TMEM52: variants seen among roughly 807,000 people sequenced by gnomAD.
TMEM52 encodes the protein transmembrane protein 52.
TMEM52 carries 14 observed loss-of-function variants against 16.2 expected under a neutral mutation model. That is an observed-to-expected ratio of 0.87 (90% CI 0.57 to 1.35). The LOEUF (loss-of-function observed/expected upper bound fraction) is 1.35, where lower values mean the gene tolerates loss of function less well. Ranked by LOEUF, TMEM52 falls within the 40% of genes most tolerant of loss-of-function variation. The probability of loss-of-function intolerance (pLI) is 0.00; values close to 1 mark genes in which losing one functional copy is unlikely to be tolerated. For synonymous variants in TMEM52, 136 were observed against 124.7 expected (o/e 1.09, Z -0.60); for missense variants, 309 against 278.6 (o/e 1.11, Z -0.78).
chr1:1,917,827 G>A lies in TMEM52; in HGVS notation c.*55C>T. ...TGTGTGGGACGGTGGGGTGGGCTGG[G>A]GCCCTTGGCTCCAAGCATTAGTTCT... On this transcript the variant is annotated 3_prime_UTR_variant, in exon 5 of 5. Transcript: ENST00000310991. The A allele has an allele frequency of 6.4e-7, 1 of 1,568,332 alleles. No homozygotes were observed. Among genetic ancestry groups the A allele is most frequent in the Non-Finnish European group, 8.7e-7 (1 of 1,151,250 alleles).
In TMEM52 at chr1:1,917,896, G is replaced by A. The variant is rs763506611; in HGVS notation, c.616C>T (p.Pro206Ser). Reference protein sequence around the residue: ...GPNTQLPPCSPGAP With the variant: ...GPNTQLPPCSSGAP ...TCCTACCTCCTTCAAGGGGCACCAGGGCTACAAGGTGGTAGTTGAGTATTG... is the reference window on the plus strand; with the variant it reads ...TCCTACCTCCTTCAAGGGGCACCAGAGCTACAAGGTGGTAGTTGAGTATTG... Residue 206 changes from proline to serine, a missense_variant, in exon 5 of 5, where the codon CCT becomes TCT. Coordinates refer to ENST00000310991, the MANE Select transcript of TMEM52 (RefSeq NM_178545.4). 10 of 1,613,194 alleles carry A rather than the reference G, an allele frequency of 6.2e-6. No individual in the cohort carries two copies. The African/African-American group carries it at 1.2e-4, about 19-fold the overall frequency.
At position 1,917,902 on chromosome 1, in the gene TMEM52, A is replaced by G. The variant is rs764642382; in HGVS notation, c.610T>C (p.Cys204Arg). 2 of 1,613,360 alleles carry G rather than the reference A, an allele frequency of 1.2e-6. No individual in the cohort carries two copies. The highest frequency in any genetic ancestry group is 2.7e-5 in the African/African-American group (2 of 74,906). ...CTCCTTCAAGGGGCACCAGGGCTAC[A>G]AGGTGGTAGTTGAGTATTGGGGCCC... Reference protein sequence around the residue: ...ESGPNTQLPPCSPGAP With the variant: ...ESGPNTQLPPRSPGAP Residue 204 changes from cysteine (C) to arginine (R), a missense_variant, in exon 5 of 5, where the codon TGT becomes CGT. Physicochemically the swap from Cys to Arg is radical, Grantham distance 180 (BLOSUM62 -3). Transcript: ENST00000310991.
At chr1:1,918,570 G>T in intron 3 of TMEM52, 139 bp from the exon 4 acceptor site, 1 of 873,802 alleles carries the variant, frequency 1.1e-6, no homozygotes, top group Non-Finnish European at 1.9e-6. Context: ...GGAGACCGCC[G>T]TGGCCAGAGC....
Position 1,919,059 on chromosome 1 carries a change from G to A in TMEM52, c.114C>T (p.Cys38=), listed in dbSNP as rs1651249994. ...CCCCGACTTACTGGTCCGAGGGGTC[G>A]CAGCTGCCGTCCGCGAAGCCCAGCG... ...QVALGFADGS[C]DPSDQCPPQA... Residue 38 remains cysteine, a synonymous_variant, in exon 2 of 5, where the codon TGC becomes TGT. Coordinates refer to ENST00000310991, the MANE Select transcript of TMEM52 (RefSeq NM_178545.4). The A allele has an allele frequency of 2.2e-6, 3 of 1,336,704 alleles. No individual in the cohort carries two copies. Among genetic ancestry groups the A allele is most frequent in the Non-Finnish European group, 2.9e-6 (3 of 1,047,736 alleles). The allele number at this position is 1,336,704 out of a possible 1,614,324, so 82.8% of individuals were successfully genotyped here.
At position 1,918,000 on chromosome 1, in the gene TMEM52, G is replaced by A; in HGVS notation, c.512C>T (p.Pro171Leu). 6.2e-7 allele frequency: 1 copy of A among 1,613,958 alleles called. No individual in the cohort carries two copies. The highest frequency in any genetic ancestry group is 8.5e-7 in the Non-Finnish European group (1 of 1,180,002). Residue 171 changes from proline (P) to leucine (L), a missense_variant, in exon 5 of 5, where the codon CCA becomes CTA. Physicochemically the swap from Pro to Leu is moderately conservative, Grantham distance 98. Coordinates refer to ENST00000310991, the MANE Select transcript of TMEM52 (RefSeq NM_178545.4). ...AGGGCTGGGTTTCTGGGAGAGTGCT[G>A]GTCCTTCCTCTCTGGGCTTGGCCAT... ...VKMAKPREEG[P>L]ALSQKPSPLL...
chr1:1,918,206 T>C lies in TMEM52; in HGVS notation c.350-44A>G, dbSNP rs149717725. On this transcript the variant is annotated intron_variant, in intron 4 of 4. Coordinates refer to ENST00000310991, the MANE Select transcript of TMEM52 (RefSeq NM_178545.4). ...GGTTCGTGGAGGCGGGCTTGGCATT[T>C]ACCCCCGCCATCTCCACCCTCAACT... 302 of 1,608,198 alleles carry C rather than the reference T, an allele frequency of 1.9e-4. No homozygotes were observed. The African/African-American group carries it at 3.6e-3, about 19-fold the overall frequency.
In TMEM52 at chr1:1,917,647, C is replaced by T. The variant is rs2102020510; in HGVS notation, c.*235G>A. The T allele has an allele frequency of 1.7e-6, 1 of 592,234 alleles. No homozygotes were observed. The highest frequency in any genetic ancestry group is 3.0e-6 in the Non-Finnish European group (1 of 333,902). 36.7% of individuals were successfully genotyped at this position (592,234 alleles called of 1,614,324 possible). ...AGAAGATGCAGACGTCACAGGTGGC[C>T]CTGAGCTCCCACCCGAGGCTTAGGC... On this transcript the variant is annotated 3_prime_UTR_variant, in exon 5 of 5. Transcript: ENST00000310991.
rs1481524223 is a variant in TMEM52 at position 1,918,315 on chromosome 1, T to G, written c.287A>C (p.Gln96Pro). 1 of 1,612,910 alleles carries G rather than the reference T, an allele frequency of 6.2e-7. No individual in the cohort carries two copies. The highest frequency in any genetic ancestry group is 1.7e-5 in the Admixed American group (1 of 60,012). The change falls in exon 4 of 5, where the codon CAG (glutamine) becomes CCG (proline). Residue 96 changes from glutamine to proline, a missense_variant. Physicochemically the swap from Gln to Pro is moderately conservative, Grantham distance 76. Coordinates refer to ENST00000310991, the MANE Select transcript of TMEM52 (RefSeq NM_178545.4). Reference protein sequence around the residue: ...QAQPHLPPARQPCDVAVIPMD... With the variant: ...QAQPHLPPARPPCDVAVIPMD... Reference sequence around the variant, plus strand: ...AGGGATGACTGCCACGTCGCAGGGCTGCCGTGCTGGTGGCAGATGTGGCTG... The same window carrying G: ...AGGGATGACTGCCACGTCGCAGGGCGGCCGTGCTGGTGGCAGATGTGGCTG...
At chr1:1,918,490 G>T in intron 3 of TMEM52, 59 bp from the exon 4 acceptor site, 1 of 1,418,032 alleles carries the variant, frequency 7.1e-7, no homozygotes, top group Non-Finnish European at 9.8e-7. Flanking sequence ...CCTGCACCCT[G>T]GGGAATGTCG....
Position 1,917,947 on chromosome 1 carries a change from T to G in TMEM52, c.565A>C (p.Thr189Pro), listed in dbSNP as rs746833826. 6 of 1,613,572 alleles carry G rather than the reference T, an allele frequency of 3.7e-6. No individual in the cohort carries two copies. The Admixed American group carries it at 1.0e-4, about 27-fold the overall frequency. ...PLLGASGLET[T>P]PVPQESGPNT... Reference sequence around the variant, plus strand: ...GGGCCCGACTCCTGGGGCACTGGAGTGGTCTCTAGGCCCGAGGCCCCAAGG... The same window carrying G: ...GGGCCCGACTCCTGGGGCACTGGAGGGGTCTCTAGGCCCGAGGCCCCAAGG... Residue 189 changes from threonine (T) to proline (P), a missense_variant, in exon 5 of 5, where the codon ACT becomes CCT. By Grantham distance (38) the Thr-to-Pro change is conservative. Coordinates refer to ENST00000310991, the MANE Select transcript of TMEM52 (RefSeq NM_178545.4).
At chr1:1,919,126 CG>C in intron 1 of TMEM52, 38 bp from the exon 2 acceptor site, 1 of 1,355,606 alleles carries the variant, frequency 7.4e-7, no homozygotes, top group Non-Finnish European at 9.4e-7. Flanking sequence ...GGGCGTGGTC[CG>C]AGCAGGGACC....
rs1303477973 is a variant in TMEM52 at position 1,918,282 on chromosome 1, C to T, written c.320G>A (p.Ser107Asn). ...CACAGTGCTGTGTACAGGGCTGTCA[C>T]TGTCCATAGGGATGACTGCCACGTC... ...PCDVAVIPMD[S>N]DSPVHSTVTS... The change falls in exon 4 of 5, where the codon AGT becomes AAT. Residue 107 changes from serine (S) to asparagine (N), a missense_variant. Physicochemically the swap from Ser to Asn is conservative, Grantham distance 46. Coordinates refer to ENST00000310991, the MANE Select transcript of TMEM52 (RefSeq NM_178545.4). 7 of 1,612,896 alleles carry T rather than the reference C, an allele frequency of 4.3e-6. No individual in the cohort carries two copies. The highest frequency in any genetic ancestry group is 1.7e-6 in the Non-Finnish European group (2 of 1,179,988).
chr1:1,918,622 G>C, intron 3 of TMEM52, 191 bp from the exon 4 acceptor site: 1 of 730,012 alleles, frequency 1.4e-6, no homozygotes, highest in South Asian at 1.6e-5. Context: ...ATCTCTCCTG[G>C]GCTGGCCAGG....
Position 1,917,596 on chromosome 1 carries a change from T to C in TMEM52, c.*286A>G, listed in dbSNP as rs1651184118. 1 of 558,532 alleles carries C rather than the reference T, an allele frequency of 1.8e-6. No homozygotes were observed. Among genetic ancestry groups the C allele is most frequent in the Non-Finnish European group, 3.2e-6 (1 of 314,270 alleles). The allele number at this position is 558,532 out of a possible 1,614,324, so 34.6% of individuals were successfully genotyped here. On this transcript the variant is annotated 3_prime_UTR_variant, in exon 5 of 5. Transcript: ENST00000310991. ...CCTTCCCACATAGGCAGAGACCACT[T>C]AAATACAAACTTTATTCTCTCTCCA... is the stretch of plus-strand genomic sequence containing the variant.
Position 1,919,064 on chromosome 1 carries a change from T to C in TMEM52, c.109A>G (p.Ser37Gly). ...PQVALGFADG[S>G]CDPSDQCPPQ... ...ACTTACTGGTCCGAGGGGTCGCAGC[T>C]GCCGTCCGCGAAGCCCAGCGCCACC... The change falls in exon 2 of 5, where the codon AGC becomes GGC. Residue 37 changes from serine to glycine, a missense_variant. Ser to Gly is a moderately conservative substitution (Grantham distance 56). Coordinates refer to ENST00000310991, the MANE Select transcript of TMEM52 (RefSeq NM_178545.4). The C allele has an allele frequency of 7.5e-7, 1 of 1,338,616 alleles. No homozygotes were observed. The highest frequency in any genetic ancestry group is 1.9e-5 in the South Asian group (1 of 51,286). 82.9% of individuals were successfully genotyped at this position (1,338,616 alleles called of 1,614,324 possible). A position where few individuals can be genotyped will look rare whatever the true frequency, so the allele number is the denominator to read the frequency against.
At chr1:1,919,119 C>T in intron 1 of TMEM52, 31 bp from the exon 2 acceptor site, 1 of 1,355,114 alleles carries the variant, frequency 7.4e-7, no homozygotes, top group African/African-American at 1.5e-5. Context: ...CCGGGAGGGG[C>T]GTGGTCCGAG....
In TMEM52 at chr1:1,919,206, G is replaced by GAGCGGCAGC. The variant is rs1400246980; in HGVS notation, c.59_60insGCTGCCGCT (p.Leu24_Leu26dup). The GAGCGGCAGC allele has an allele frequency of 7.3e-7, 1 of 1,363,968 alleles. No homozygotes were observed. The allele number at this position is 1,363,968 out of a possible 1,614,324, so 84.5% of individuals were successfully genotyped here. A position where few individuals can be genotyped will look rare whatever the true frequency, so the allele number is the denominator to read the frequency against. ...CCTGCGGCAGCGGCAGGAGCGGCAG[G>GAGCGGCAGC]AGCGGCAGGAGCGGCAGCAGCAGCC... is the stretch of plus-strand genomic sequence containing the variant. On this transcript the variant is annotated inframe_insertion, in exon 1 of 5. Transcript: ENST00000310991.
chr1:1,918,846 C>G, intron 3 of TMEM52, 47 bp downstream of exon 3: 1 of 1,481,872 alleles, frequency 6.7e-7, no homozygotes, highest in South Asian at 1.3e-5. Flanking sequence ...CGGTGACCCC[C>G]GCCCCAGAAC....
chr1:1,919,099 A>C lies in TMEM52; in HGVS notation c.85-11T>G. 2.2e-6 allele frequency: 3 copies of C among 1,350,986 alleles called. No homozygotes were observed. Among genetic ancestry groups the C allele is most frequent in the Non-Finnish European group, 2.8e-6 (3 of 1,056,282 alleles). 83.7% of individuals were successfully genotyped at this position (1,350,986 alleles called of 1,614,324 possible). A position where few individuals can be genotyped will look rare whatever the true frequency, so the allele number is the denominator to read the frequency against. On this transcript the variant is annotated splice_polypyrimidine_tract_variant and intron_variant, in intron 1 of 4. Transcript: ENST00000310991. ...GAAGCCCAGCGCCACCTGTGGGGAC[A>C]AGGGTGAGCCCGGGAGGGGCGTGGT...
Sources: gnomAD v4.1 joint callset for allele counts on GRCh38, gnomAD v4.1.1 for gene constraint, MANE v1.5 for transcripts, NCBI Gene and HGNC (gene_info 2026-07-23, HGNC 2026-07-21) for gene names.